Variants in TTC28 observed in about 807,000 individuals in gnomAD.
TTC28 encodes the protein tetratricopeptide repeat protein 28.
In TTC28, 61 loss-of-function variants were observed where a neutral mutation model predicts 198.0. The observed-to-expected ratio is 0.31, with a 90% CI of 0.25 to 0.38. TTC28 has a LOEUF of 0.38. Among genes scored for constraint, TTC28 ranks in the 10% least tolerant of loss-of-function variants. The pLI, the probability that TTC28 is intolerant of heterozygous loss-of-function variation, is 1.00. For synonymous variants in TTC28, 1,171 were observed against 1,297.8 expected, an observed-to-expected ratio of 0.90 and a Z score of 2.10; for missense variants, 2,678 against 3,164.0, an observed-to-expected ratio of 0.85 and a Z score of 3.69.
chr22:28,270,532 A>T (rs2074975149), intron 5 of TTC28, among the ~76,000 whole-genome samples: 1 of 142,534 alleles, frequency 7.0e-6, no homozygotes, highest in African/African-American at 3.0e-5. Context: ...TCTGATATTA[A>T]AAAAAAAACC....
At chr22:28,471,713 T>C (rs1398718119) in intron 2 of TTC28, among the ~76,000 whole-genome samples, 1 of 152,164 alleles carries the variant, frequency 6.6e-6, no homozygotes, top group Non-Finnish European at 1.5e-5. Flanking sequence ...TCTTCCTAGG[T>C]TTAAGATTTT....
chr22:28,575,397 C>A (rs1001745219), intron 2 of TTC28, among the ~76,000 whole-genome samples: 1 of 151,954 alleles, frequency 6.6e-6, no homozygotes, highest in Non-Finnish European at 1.5e-5. Context: ...TGTTTTTAGG[C>A]CAGTACCATG....
intron 11 of TTC28, among the ~76,000 whole-genome samples, chr22:28,095,081 A>G (rs530123300): frequency 6.6e-6 from 1 of 152,292 alleles, no homozygotes; most frequent in East Asian, 1.9e-4. Flanking sequence ...AAGGAGTTTG[A>G]TACCTCCCAG....
chr22:28,298,309 C>T (rs114169920), intron 3 of TTC28, among the ~76,000 whole-genome samples: 94 of 152,258 alleles, frequency 6.2e-4, no homozygotes, highest in African/African-American at 2.2e-3. Flanking sequence ...TTGTTCTACA[C>T]GTATTAATTT....
chr22:28,054,323 CAG>C (rs1940192761), intron 12 of TTC28, among the ~76,000 whole-genome samples: 1 of 152,126 alleles, frequency 6.6e-6, no homozygotes, highest in Non-Finnish European at 1.5e-5. Context: ...CAGGCCGAGG[CAG>C]TGCCAATGGT....
intron 2 of TTC28, among the ~76,000 whole-genome samples, chr22:28,398,075 C>T (rs1438504818): frequency 6.6e-6 from 1 of 152,224 alleles, no homozygotes; most frequent in African/African-American, 2.4e-5. Context: ...CAGACTGACT[C>T]CTGAAACATA....
chr22:28,061,169 T>C (rs111344661), intron 12 of TTC28, among the ~76,000 whole-genome samples: 1 of 152,276 alleles, frequency 6.6e-6, no homozygotes, highest in African/African-American at 2.4e-5. Flanking sequence ...CTGTAGGTTG[T>C]CTGTTCACTC....
chr22:28,171,615 A>G (rs1194258849), intron 5 of TTC28, among the ~76,000 whole-genome samples: 1 of 134,428 alleles, frequency 7.4e-6, no homozygotes, highest in Non-Finnish European at 1.6e-5. Context: ...TGCAAATGGC[A>G]TATTTGCAAA....
intron 2 of TTC28, among the ~76,000 whole-genome samples, chr22:28,568,233 A>G (rs1453507426): frequency 6.6e-6 from 1 of 152,204 alleles, no homozygotes; most frequent in Non-Finnish European, 1.5e-5. Flanking sequence ...TTAAATCCTC[A>G]TCTTTCATTG....
chr22:28,573,298 T>A (rs1029081868), intron 2 of TTC28, among the ~76,000 whole-genome samples: 4 of 150,752 alleles, frequency 2.7e-5, no homozygotes, highest in African/African-American at 7.3e-5. Context: ...CTACTAAAAA[T>A]ACAAAAATTA....
chr22:28,486,100 T>G (rs942338845), intron 2 of TTC28, among the ~76,000 whole-genome samples: 9 of 152,078 alleles, frequency 5.9e-5, no homozygotes, highest in African/African-American at 1.9e-4. Context: ...AAAAGGGCAT[T>G]GGTACCTGTG....
chr22:28,472,857 A>G (rs2048115713), intron 2 of TTC28, among the ~76,000 whole-genome samples: 1 of 152,178 alleles, frequency 6.6e-6, no homozygotes, highest in African/African-American at 2.4e-5. Flanking sequence ...AAGAAGTTTC[A>G]GAACACTGAA....
In TTC28 at chr22:27,982,660, G is replaced by GGACTT. The variant is rs1937062760; in HGVS notation, c.7002_7006dup (p.Pro2336GlnfsTer9). 1.3e-6 allele frequency: 2 copies of GGACTT among 1,551,736 alleles called. No individual in the cohort carries two copies. The highest frequency in any genetic ancestry group is 1.2e-5 in the South Asian group (1 of 84,058). On this transcript the variant is annotated frameshift_variant, in exon 23 of 23. Coordinates refer to ENST00000397906, the MANE Select transcript of TTC28 (RefSeq NM_001145418.2). LOFTEE classifies it low-confidence loss of function (END_TRUNC). The surrounding 1 kb of genome is among the most constrained non-coding windows in gnomAD (Gnocchi z 5.2). ...TTTGTCTATGTCGGGAGCGTCTGCT[G>GGACTT]GACTTGAGCGAGCAGATCCAGCTGA...
intron 12 of TTC28, among the ~76,000 whole-genome samples, chr22:28,084,416 T>C (rs1389513727): frequency 1.3e-5 from 2 of 152,140 alleles, no homozygotes; most frequent in African/African-American, 4.8e-5. Context: ...GGAGTGGACC[T>C]CCAGTAAACT....
chr22:28,441,319 T>C (rs2047617905), intron 2 of TTC28, among the ~76,000 whole-genome samples: 1 of 150,644 alleles, frequency 6.6e-6, no homozygotes, highest in South Asian at 2.1e-4. Context: ...ATAGAAGAAA[T>C]GGGGGACTTT....
chr22:28,524,273 C>T (rs896457568), intron 2 of TTC28, among the ~76,000 whole-genome samples: 3 of 151,508 alleles, frequency 2.0e-5, no homozygotes, highest in African/African-American at 7.3e-5. Context: ...CCGGCTAACA[C>T]GGTGAAACCC....
intron 2 of TTC28, among the ~76,000 whole-genome samples, chr22:28,625,843 T>C (rs540075621): frequency 9.9e-5 from 15 of 152,278 alleles, no homozygotes; most frequent in East Asian, 3.9e-4. Flanking sequence ...TTGAGATATA[T>C]ACACAGAAAT....
intron 2 of TTC28, among the ~76,000 whole-genome samples, chr22:28,358,057 T>C (rs548510226): frequency 1.3e-5 from 2 of 152,352 alleles, no homozygotes; most frequent in East Asian, 3.9e-4. Flanking sequence ...TTCCAGATAA[T>C]GAAATTGTTG....
intron 5 of TTC28, among the ~76,000 whole-genome samples, chr22:28,270,075 C>T (rs148182160): frequency 6.6e-6 from 1 of 152,182 alleles, no homozygotes; most frequent in African/African-American, 2.4e-5. Context: ...CATGACACAG[C>T]CCCAGGGGGT....
Sources: gnomAD v4.1 joint callset for allele counts (sites outside exome capture counted in the v4.1 genomes callset) on GRCh38, gnomAD v4.1.1 for gene constraint, Gnocchi (gnomAD v3.1) non-coding constraint, MANE v1.5 for transcripts, NCBI Gene and HGNC (gene_info 2026-07-23, HGNC 2026-07-21) for gene names.